The following ABR variants were observed in gnomAD, a reference collection of about 807,000 sequenced individuals.
ABR encodes ABR activator of RhoGEF and GTPase.
Under a neutral mutation model 107.2 loss-of-function variants are expected in ABR, and 35 were observed. That is an observed-to-expected ratio of 0.33 (90% CI 0.25 to 0.43). The LOEUF (loss-of-function observed/expected upper bound fraction) is 0.43. ABR is among the 20% of genes least tolerant of loss of function. The pLI, the probability that ABR is intolerant of heterozygous loss-of-function variation, is 1.00. For missense variants in ABR, 815 were observed against 1,115.2 expected, an observed-to-expected ratio of 0.73 and a Z score of 3.83; for synonymous variants, 498 against 462.0, an observed-to-expected ratio of 1.08 and a Z score of -1.00.
At chr17:1,068,690 G>A (rs556381415) in intron 9 of ABR, among the ~76,000 whole-genome samples, 1 of 152,344 alleles carries the variant, frequency 6.6e-6, no homozygotes, top group East Asian at 1.9e-4. Context: ...GCTCAAAGGA[G>A]CTTGCACATC....
chr17:1,090,567 G>A (rs2036953068), intron 4 of ABR, among the ~76,000 whole-genome samples: 2 of 152,178 alleles, frequency 1.3e-5, no homozygotes, highest in African/African-American at 2.4e-5. Context: ...AGAGTCTGAA[G>A]CACTCGGTGA....
intron 6 of ABR, 76 bp from the exon 7 acceptor site, chr17:1,073,753 TC>T: frequency 3.0e-6 from 4 of 1,338,874 alleles, no homozygotes; most frequent in South Asian, 1.4e-5. Context: ...ACCAGCTTCG[TC>T]CCCCCACCCG....
chr17:1,191,167 A>C (rs1428778804), upstream of ABR, among the ~76,000 whole-genome samples: 1 of 152,004 alleles, frequency 6.6e-6, no homozygotes, highest in Non-Finnish European at 1.5e-5. Context: ...TAAACAAAAC[A>C]ACCAATGTCA....
intron 1 of ABR, among the ~76,000 whole-genome samples, chr17:1,209,426 G>A (rs1056767865): frequency 6.6e-6 from 1 of 151,986 alleles, no homozygotes; most frequent in African/African-American, 2.4e-5. Flanking sequence ...ACAGGCATGC[G>A]CCACCACGCC....
At chr17:1,170,405 G>A (rs1285063922) in intron 1 of ABR, among the ~76,000 whole-genome samples, 1 of 152,078 alleles carries the variant, frequency 6.6e-6, no homozygotes, top group East Asian at 1.9e-4. Context: ...TGTAGTCTGC[G>A]ACCTTGAATT....
At chr17:1,013,252 C>G (rs1432623072) in intron 16 of ABR, 88 bp from the exon 17 acceptor site, 1 of 1,284,264 alleles carries the variant, frequency 7.8e-7, no homozygotes, top group Admixed American at 1.8e-5. Flanking sequence ...TCAGAGCCAG[C>G]TACACAGTCA....
At chr17:1,171,123 C>T (rs1380392276) in intron 1 of ABR, among the ~76,000 whole-genome samples, 2 of 152,270 alleles carry the variant, frequency 1.3e-5, no homozygotes, top group Admixed American at 6.5e-5. Flanking sequence ...TGTTTAGGCC[C>T]GAGGTAACGC....
Position 1,058,792 on chromosome 17 carries a change from G to C in ABR, c.1258C>G (p.Leu420Val). 1.2e-6 allele frequency: 2 copies of C among 1,614,150 alleles called. No homozygotes were observed. Among genetic ancestry groups the C allele is most frequent in the Non-Finnish European group, 1.7e-6 (2 of 1,180,040 alleles). ...KMFENEFLLL[L>V]NSPTIPFRIH... ...CTGAACGGGATTGTGGGGGAGTTGA[G>C]CAGCAGCAGGAACTCATTCTCAAAC... is the stretch of plus-strand genomic sequence containing the variant. The change falls in exon 11 of 23, where the codon CTC (leucine) becomes GTC (valine). Residue 420 changes from leucine (L) to valine (V), a missense_variant. By Grantham distance (32) the Leu-to-Val change is conservative (BLOSUM62 1). This residue lies in a region of ABR where 385 missense variants were observed against 596.9 expected (regional missense o/e 0.64). Coordinates refer to ENST00000302538, the MANE Select transcript of ABR (RefSeq NM_021962.5).
At chr17:1,040,310 G>A (rs527753292) in intron 16 of ABR, among the ~76,000 whole-genome samples, 21 of 152,292 alleles carry the variant, frequency 1.4e-4, no homozygotes, top group Non-Finnish European at 2.1e-4. Flanking sequence ...GGCGGGCTCC[G>A]GCCCCACGTT....
intron 3 of ABR, among the ~76,000 whole-genome samples, chr17:1,096,968 A>AG (rs1329979338): frequency 1.5e-5 from 1 of 65,806 alleles, no homozygotes; most frequent in Non-Finnish European, 3.3e-5. Flanking sequence ...GAGCCGGGGA[A>AG]GGGGGGAACC....
intron 6 of ABR, among the ~76,000 whole-genome samples, chr17:1,074,507 T>C (rs1223115148): frequency 1.3e-5 from 2 of 152,218 alleles, no homozygotes; most frequent in Admixed American, 6.5e-5. Flanking sequence ...CATGCTGTGT[T>C]TCCAGGAAGG....
intron 1 of ABR, among the ~76,000 whole-genome samples, chr17:1,169,978 G>T (rs1212662784): frequency 7.8e-6 from 1 of 128,464 alleles, no homozygotes; most frequent in Admixed American, 1.0e-4. Flanking sequence ...GGGGGGGTGT[G>T]TTTGTGTTTG....
At chr17:1,144,466 T>C (rs76120613) in intron 1 of ABR, among the ~76,000 whole-genome samples, 11,492 of 152,048 alleles carry the variant, frequency 0.076, 513 homozygotes, top group Middle Eastern at 0.18. Context: ...GCCACTTCCT[T>C]ATCTGTAAAA....
intron 10 of ABR, among the ~76,000 whole-genome samples, chr17:1,065,741 G>GATTT (rs2034655267): frequency 9.1e-6 from 1 of 109,944 alleles, no homozygotes; most frequent in African/African-American, 3.6e-5. Context: ...CCAAACCAAT[G>GATTT]CTTTTTTTTT....
rs760937665 is a variant in ABR, at chr17:1,013,161, C to A, written c.1795G>T (p.Asp599Tyr). The A allele has an allele frequency of 6.2e-7, 1 of 1,614,118 alleles. No homozygotes were observed. Among genetic ancestry groups the A allele is most frequent in the Non-Finnish European group, 8.5e-7 (1 of 1,179,958 alleles). Reference protein sequence around the residue: ...KIMGKGQIQLDPQTVETKNWH... With the variant: ...KIMGKGQIQLYPQTVETKNWH... ...TTCTTGGTCTCCACGGTTTGTGGGT[C>A]CAGCTGCAGAGAGAGAATGTGGGTG... The change falls in exon 17 of 23, where the codon GAC (aspartate) becomes TAC (tyrosine). Residue 599 changes from aspartate to tyrosine, a missense_variant. By Grantham distance (160) the Asp-to-Tyr change is radical (BLOSUM62 -3). Around this residue, in one of 5 missense-constraint regions of ABR, gnomAD observed 92 missense variants for 82.3 expected, o/e 1.12. Transcript: ENST00000302538.
intron 1 of ABR, among the ~76,000 whole-genome samples, chr17:1,218,770 G>C (rs1419590495): frequency 2.0e-5 from 3 of 152,152 alleles, no homozygotes; most frequent in African/African-American, 7.2e-5. Context: ...AAATAATGCT[G>C]TAAGTGATGA....
At chr17:1,197,661 AGC>A (rs2042595423) in intron 1 of ABR, among the ~76,000 whole-genome samples, 1 of 151,658 alleles carries the variant, frequency 6.6e-6, no homozygotes, top group African/African-American at 2.4e-5. Flanking sequence ...CCAGACCACC[AGC>A]AGAGAGGGGG....
chr17:1,056,897 G>A lies in ABR; in HGVS notation c.1486+101C>T, dbSNP rs554843269. ...TCTCAGCACAGCCGAGCAGGGATCAGCCATTTACAGCCACATGTCTGTCTG... is the reference window on the plus strand; with the variant it reads ...TCTCAGCACAGCCGAGCAGGGATCAACCATTTACAGCCACATGTCTGTCTG... On this transcript the variant is annotated intron_variant, in intron 13 of 22. Transcript: ENST00000302538. The A allele has an allele frequency of 1.0e-5, 8 of 766,270 alleles. No individual in the cohort carries two copies. In the Admixed American group the frequency reaches 1.5e-4, roughly 15 times the overall value. 47.5% of individuals were successfully genotyped at this position (766,270 alleles called of 1,614,324 possible).
intron 10 of ABR, among the ~76,000 whole-genome samples, chr17:1,064,691 A>G (rs55886048): frequency 0.018 from 612 of 34,542 alleles, 3 homozygotes; most frequent in Middle Eastern, 0.053. Flanking sequence ...TGAGGGCTAT[A>G]CATGTTCCTC....
Sources: gnomAD v4.1 joint callset for allele counts (sites outside exome capture counted in the v4.1 genomes callset) on GRCh38, gnomAD v4.1.1 for gene constraint, gnomAD v4.1.1 regional missense constraint, MANE v1.5 for transcripts, NCBI Gene and HGNC (gene_info 2026-07-23, HGNC 2026-07-21) for gene names.